Variants in PCGF3 observed in about 807,000 individuals in gnomAD.
The protein encoded by PCGF3 is polycomb group ring finger 3, also known as polycomb group RING finger protein 3.
PCGF3 carries 7 observed loss-of-function variants against 33.1 expected under a neutral mutation model. The ratio of observed to expected loss-of-function variants is 0.21; its 90% CI spans 0.12 to 0.40. The LOEUF (loss-of-function observed/expected upper bound fraction) is 0.40, where lower values mean the gene tolerates loss of function less well. Ranked by LOEUF, PCGF3 falls within the 10% of genes least tolerant of loss-of-function variation. The probability of loss-of-function intolerance (pLI) is 1.00; values close to 1 mark genes in which losing one functional copy is unlikely to be tolerated. For synonymous variants in PCGF3, 153 were observed against 121.3 expected (o/e 1.26, Z -1.72); for missense variants, 211 against 313.3 (o/e 0.67, Z 2.46).
At chr4:712,400 TTAAGA>T (rs1742609689) in intron 1 of PCGF3, among the ~76,000 whole-genome samples, 1 of 152,254 alleles carries the variant, frequency 6.6e-6, no homozygotes, top group African/African-American at 2.4e-5. Flanking sequence ...TTGCTTTTTT[TTAAGA>T]TAAACTCTAA....
rs1191813014 is a variant in PCGF3, at chr4:715,892, ACTGAGGGTGAGAACTGGGCG to A, written c.-190+9923_-190+9942del. The stretch of plus-strand genomic sequence containing the variant: ...GTGTCGGTGCTGGGACCCTGTGGAC[ACTGAGGGTGAGAACTGGGCG>A]TCGGTGCTGGGACCCTGTAGACACT... On this transcript the variant is annotated intron_variant, in intron 1 of 10. Coordinates refer to ENST00000362003, the Ensembl canonical transcript of PCGF3. Among the ~76,000 whole-genome samples the A allele has an allele frequency of 2.0e-3, 209 of 106,474 alleles. 1 individual carries two copies. Among genetic ancestry groups the A allele is most frequent in the Non-Finnish European group, 2.7e-3 (134 of 49,544 alleles). 69.9% of individuals were successfully genotyped at this position (106,474 alleles called of 152,430 possible).
At chr4:769,493 A>T (rs2086536648) in exon 11 of PCGF3, 1 of 152,738 alleles carries the variant, frequency 6.5e-6, no homozygotes. Context: ...CCTTAACATG[A>T]TCAATGTATT....
intron 8 of PCGF3, among the ~76,000 whole-genome samples, chr4:751,407 TC>T (rs200719779): frequency 0.016 from 2,424 of 152,280 alleles, 32 homozygotes; most frequent in Admixed American, 0.024. Flanking sequence ...TGTGGCCGTT[TC>T]TGGTGTCTTC....
chr4:717,796 C>T (rs952704696), intron 1 of PCGF3, among the ~76,000 whole-genome samples: 1 of 152,202 alleles, frequency 6.6e-6, no homozygotes, highest in Non-Finnish European at 1.5e-5. Context: ...GCGAGAGGGC[C>T]GAGAATGTCC....
chr4:765,153 G>T, intron 10 of PCGF3, 89 bp downstream of exon 10: 1 of 919,512 alleles, frequency 1.1e-6, no homozygotes, highest in South Asian at 1.4e-5. Context: ...AATGACTCCA[G>T]CTGGGTGCAG....
chr4:733,886 C>A, intron 4 of PCGF3, 97 bp downstream of exon 4: 1 of 1,597,010 alleles, frequency 6.3e-7, no homozygotes, highest in Non-Finnish European at 8.5e-7. Context: ...GCTTTTAGCT[C>A]AAGCCCGACA....
chr4:753,112 G>T (rs1265147349), intron 8 of PCGF3, among the ~76,000 whole-genome samples: 2 of 152,250 alleles, frequency 1.3e-5, no homozygotes, highest in African/African-American at 4.8e-5. Context: ...CCCAGGAGAG[G>T]GCATGGGCAC....
At chr4:753,447 G>T (rs373590977) in intron 8 of PCGF3, among the ~76,000 whole-genome samples, 1 of 152,180 alleles carries the variant, frequency 6.6e-6, no homozygotes, top group Admixed American at 6.5e-5. Flanking sequence ...AAGGTCAGGA[G>T]ATCAAGACCA....
intron 1 of PCGF3, among the ~76,000 whole-genome samples, chr4:725,845 C>T (rs951849528): frequency 6.6e-6 from 1 of 152,158 alleles, no homozygotes; most frequent in Non-Finnish European, 1.5e-5. Flanking sequence ...AGCAGGTGAC[C>T]ACAGATGATG....
intron 1 of PCGF3, among the ~76,000 whole-genome samples, chr4:715,719 G>T (rs1299586328): frequency 8.7e-6 from 1 of 114,624 alleles, no homozygotes; most frequent in Non-Finnish European, 1.9e-5. Context: ...TGTAGACACT[G>T]AGTGTGAGAA....
At chr4:734,009 G>GA (rs1389946209) in intron 4 of PCGF3, 1 of 1,550,980 alleles carries the variant, frequency 6.4e-7, no homozygotes, top group East Asian at 2.4e-5. Flanking sequence ...TCGCTTAGGA[G>GA]AGCGAAACAC....
chr4:756,205 G>A (rs1744762662), intron 8 of PCGF3, among the ~76,000 whole-genome samples: 1 of 147,104 alleles, frequency 6.8e-6, no homozygotes, highest in African/African-American at 2.5e-5. Context: ...GTGAGCCACC[G>A]CCGCACTTGG....
At chr4:737,288 G>A (rs564307119) in intron 5 of PCGF3, among the ~76,000 whole-genome samples, 178 bp from the exon 6 acceptor site, 7 of 152,324 alleles carry the variant, frequency 4.6e-5, no homozygotes, top group Admixed American at 3.3e-4. Context: ...TAAATGACGC[G>A]TTAATTCAGC....
chr4:743,737 G>T, intron 7 of PCGF3, 153 bp downstream of exon 7: 1 of 580,356 alleles, frequency 1.7e-6, no homozygotes, highest in Non-Finnish European at 3.1e-6. Flanking sequence ...GGTTCAAGGC[G>T]TTCCTCCTCA....
chr4:766,113 C>T (rs201142690), exon 11 of PCGF3: 153 of 1,605,424 alleles, frequency 9.5e-5, no homozygotes, highest in Non-Finnish European at 1.1e-4. Context: ...ACTGGGCCCT[C>T]GCACCCTTGG....
intron 3 of PCGF3, chr4:732,349 C>CCCTTCCCCTCCCCTTCCTTCT: frequency 7.8e-6 from 1 of 128,040 alleles, no homozygotes; most frequent in Non-Finnish European, 1.7e-5. Flanking sequence ...CCCCTCCCTT[C>CCCTTCCCCTCCCCTTCCTTCT]CCTTCCCCTC....
At position 754,788 on chromosome 4, in the gene PCGF3, G is replaced by T. The variant is rs547299711; in HGVS notation, c.463-6491G>T. On this transcript the variant is annotated intron_variant, in intron 8 of 10. Coordinates refer to ENST00000362003, the Ensembl canonical transcript of PCGF3. ...GGTTGCCACTTAGCGCAGCTGCTCT[G>T]CAGTGAGCTGCCTGCACGGCCAGGG... is the stretch of plus-strand genomic sequence containing the variant. 5.9e-5 allele frequency among the ~76,000 whole-genome samples: 9 copies of T among 152,340 alleles called. No homozygotes were observed. In the South Asian group the frequency reaches 1.9e-3, roughly 32 times the overall value.
At chr4:744,487 C>T (rs56187241) in intron 7 of PCGF3, 113 bp from the exon 8 acceptor site, 46,294 of 786,348 alleles carry the variant, frequency 0.059, 2,588 homozygotes, top group African/African-American at 0.24. Context: ...CTCCGGGGGT[C>T]CAGAGTCTCT....
At chr4:708,113 C>G (rs1742414034) in intron 1 of PCGF3, among the ~76,000 whole-genome samples, 1 of 151,982 alleles carries the variant, frequency 6.6e-6, no homozygotes, top group Non-Finnish European at 1.5e-5. Context: ...CCTGAGACAG[C>G]CCTGTTTTCT....
Sources: allele counts gnomAD v4.1 joint callset (sites outside exome capture counted in the v4.1 genomes callset), GRCh38; gene constraint gnomAD v4.1.1; transcripts MANE v1.5; gene names NCBI Gene and HGNC (gene_info 2026-07-23, HGNC 2026-07-21).